ATP23: variants seen among roughly 807,000 people sequenced by gnomAD.
ATP23 encodes the protein ATP23 metallopeptidase and ATP synthase assembly factor homolog, also known as mitochondrial inner membrane protease ATP23 homolog.
Under a neutral mutation model 28.5 loss-of-function variants are expected in ATP23, and 24 were observed. That is an observed-to-expected ratio of 0.84 (90% CI 0.61 to 1.18). ATP23 has a LOEUF of 1.18. Among genes scored for constraint, ATP23 ranks in the 50% most tolerant of loss-of-function variants. The pLI is 0.00. For missense variants in ATP23, 274 were observed against 306.4 expected, an observed-to-expected ratio of 0.89 and a Z score of 0.79; for synonymous variants, 99 against 108.6, an observed-to-expected ratio of 0.91 and a Z score of 0.55.
chr12:57,951,727 A>G lies in ATP23; in HGVS notation c.316-31A>G, dbSNP rs761880633. 3.7e-6 allele frequency: 6 copies of G among 1,608,852 alleles called. No individual in the cohort carries two copies. In the East Asian group the frequency reaches 1.1e-4, roughly 30 times the overall value. On this transcript the variant is annotated intron_variant, in intron 3 of 5. Transcript: ENST00000300145. ...GTCTATGGAAGGAGATTTTAGAATC[A>G]CTGAACTTCTTTTATTTTGGTGTCT...
intron 5 of ATP23, among the ~76,000 whole-genome samples, chr12:57,955,278 A>ATTTTTTTT (rs1442929120): frequency 8.7e-6 from 1 of 114,404 alleles, no homozygotes; most frequent in African/African-American, 4.1e-5. Context: ...GAAATAGAGC[A>ATTTTTTTT]TGTTTTTTTT....
In ATP23 at chr12:57,946,644, G is replaced by T. The variant is rs1281684584; in HGVS notation, c.234-351G>T. On this transcript the variant is annotated intron_variant, in intron 2 of 5. Transcript: ENST00000300145. ...CTAATTTTGTATTTTTAGTAGAGAT[G>T]GGGGGTTCTCCATGTTGGTCAGGCT... is the stretch of plus-strand genomic sequence containing the variant. Among the ~76,000 whole-genome samples, 6 of 116,874 alleles carry T rather than the reference G, an allele frequency of 5.1e-5. No individual in the cohort carries two copies. In the East Asian group the frequency reaches 1.4e-3, roughly 28 times the overall value. The allele number at this position is 116,874 out of a possible 152,430, so 76.7% of individuals were successfully genotyped here.
At chr12:57,942,007 A>G (rs951275126) in intron 1 of ATP23, 119 bp downstream of exon 1, 35 of 1,241,402 alleles carry the variant, frequency 2.8e-5, no homozygotes, top group Non-Finnish European at 3.3e-5. Context: ...GTCTAGACAG[A>G]CTGGGCATCA....
Position 57,941,596 on chromosome 12 carries a change from G to A in ATP23, c.-106G>A. 1 of 1,444,554 alleles carries A rather than the reference G, an allele frequency of 6.9e-7. No homozygotes were observed. 89.5% of individuals were successfully genotyped at this position (1,444,554 alleles called of 1,614,324 possible). On this transcript the variant is annotated 5_prime_UTR_variant, in exon 1 of 6. Transcript: ENST00000300145. Reference sequence around the variant, plus strand: ...CAGCCAGGCTGCCCTTCTTCCCTGCGGAGGGAGGGCCTGGGCGGTCGCGTT... The same window carrying A: ...CAGCCAGGCTGCCCTTCTTCCCTGCAGAGGGAGGGCCTGGGCGGTCGCGTT...
intron 1 of ATP23, among the ~76,000 whole-genome samples, chr12:57,945,151 G>T (rs1956747695): frequency 6.6e-6 from 1 of 152,222 alleles, no homozygotes. Flanking sequence ...CTTGGTATTT[G>T]TATTAGTGTT....
chr12:57,952,845 G>C (rs1956828526), intron 4 of ATP23, among the ~76,000 whole-genome samples: 1 of 152,226 alleles, frequency 6.6e-6, no homozygotes, highest in Admixed American at 6.5e-5. Context: ...GGAACAAGAA[G>C]TGGGCCATTC....
Position 57,941,639 on chromosome 12 carries a change from C to A in ATP23, c.-63C>A, listed in dbSNP as rs951181092. On this transcript the variant is annotated 5_prime_UTR_variant, in exon 1 of 6. Coordinates refer to ENST00000300145, the MANE Select transcript of ATP23 (RefSeq NM_033276.4). Reference sequence around the variant, plus strand: ...GTCGCGTTGGCGGGAGGGAGGTTACCTTTCCCAGTCTCGCTCTGGCCGCCT... The same window carrying A: ...GTCGCGTTGGCGGGAGGGAGGTTACATTTCCCAGTCTCGCTCTGGCCGCCT... 54 of 1,555,056 alleles carry A rather than the reference C, an allele frequency of 3.5e-5. No homozygotes were observed. Among genetic ancestry groups the A allele is most frequent in the Non-Finnish European group, 4.3e-5 (50 of 1,154,466 alleles).
chr12:57,942,659 G>A (rs531769324), intron 1 of ATP23, among the ~76,000 whole-genome samples: 43 of 152,166 alleles, frequency 2.8e-4, no homozygotes, highest in Non-Finnish European at 4.0e-4. Flanking sequence ...TCCTGACCTC[G>A]TGATCTGCCT....
rs1474673714 is a variant in ATP23, at chr12:57,958,308, C to G, written c.*1418C>G. ...GTTCCTTCCCTACCCACCCTGGTAT[C>G]TGAACAAAAAGGGCATACAATCTTG... On this transcript the variant is annotated 3_prime_UTR_variant, in exon 6 of 6. Transcript: ENST00000300145. 6.6e-6 allele frequency among the ~76,000 whole-genome samples: 1 copy of G among 152,158 alleles called. No homozygotes were observed. Among genetic ancestry groups the G allele is most frequent in the Non-Finnish European group, 1.5e-5 (1 of 68,016 alleles).
At chr12:57,945,803 T>A (rs753945409) in intron 2 of ATP23, 130 bp downstream of exon 2, 45 of 790,346 alleles carry the variant, frequency 5.7e-5, no homozygotes, top group Non-Finnish European at 8.8e-5. Flanking sequence ...TAAATAGAGG[T>A]AATTGGCTGC....
In ATP23 at chr12:57,951,849, C is replaced by T; in HGVS notation, c.407C>T (p.Ala136Val). The T allele has an allele frequency of 6.2e-7, 1 of 1,614,108 alleles. No individual in the cohort carries two copies. The highest frequency in any genetic ancestry group is 2.2e-5 in the East Asian group (1 of 44,876). The change falls in exon 4 of 6, where the codon GCC becomes GTC. Residue 136 changes from alanine (A) to valine (V), a missense_variant. Physicochemically the swap from Ala to Val is moderately conservative, Grantham distance 64. Transcript: ENST00000300145. ...ELIHAFDHCRAHVDWFTNIRH... is the reference protein window; with the variant it reads ...ELIHAFDHCRVHVDWFTNIRH... ...ATTCATGCATTTGATCATTGTCGTG[C>T]CCATGTCGACTGGTTCACCAACATC... is the stretch of plus-strand genomic sequence containing the variant.
chr12:57,941,647 G>A lies in ATP23; in HGVS notation c.-55G>A, dbSNP rs982565625. 2.5e-5 allele frequency: 39 copies of A among 1,574,492 alleles called. No individual in the cohort carries two copies. In the African/African-American group the frequency reaches 5.1e-4, roughly 21 times the overall value. On this transcript the variant is annotated 5_prime_UTR_variant, in exon 1 of 6. Transcript: ENST00000300145. ...GGCGGGAGGGAGGTTACCTTTCCCA[G>A]TCTCGCTCTGGCCGCCTGAGCCAGG...
chr12:57,942,561 C>T (rs1956716897), intron 1 of ATP23, among the ~76,000 whole-genome samples: 1 of 152,090 alleles, frequency 6.6e-6, no homozygotes, highest in Non-Finnish European at 1.5e-5. Flanking sequence ...GTAGCTGGGA[C>T]TACAGGCGCT....
chr12:57,957,317 A>C lies in ATP23; in HGVS notation c.*427A>C, dbSNP rs1384996614. The C allele has an allele frequency of 6.4e-6, 1 of 155,458 alleles. No homozygotes were observed. Among genetic ancestry groups the C allele is most frequent in the Non-Finnish European group, 1.4e-5 (1 of 70,296 alleles). The allele number at this position is 155,458 out of a possible 1,614,324, so 9.6% of individuals were successfully genotyped here. The stretch of plus-strand genomic sequence containing the variant: ...AGCTGTTGTTATGATGAAAATTGGA[A>C]ATAATTCATTCAGTGGTCAATGCTA... On this transcript the variant is annotated 3_prime_UTR_variant, in exon 6 of 6. Transcript: ENST00000300145.
At chr12:57,949,382 A>G (rs751389391) in intron 3 of ATP23, among the ~76,000 whole-genome samples, 9 of 152,100 alleles carry the variant, frequency 5.9e-5, no homozygotes, top group Admixed American at 2.0e-4. Flanking sequence ...GGTCTCATCA[A>G]TTTTCTGGGG....
At chr12:57,947,183 C>A in intron 3 of ATP23, 107 bp downstream of exon 3, 1 of 1,035,718 alleles carries the variant, frequency 9.7e-7, no homozygotes, top group Non-Finnish European at 1.4e-6. Flanking sequence ...TTATGTAGGA[C>A]TAAAAAAGTG....
At chr12:57,954,304 A>G (rs1378895795) in intron 5 of ATP23, among the ~76,000 whole-genome samples, 1 of 152,110 alleles carries the variant, frequency 6.6e-6, no homozygotes, top group Non-Finnish European at 1.5e-5. Context: ...TGTTATTCTA[A>G]CAATTCTTGA....
Position 57,958,213 on chromosome 12 carries a change from C to T in ATP23, c.*1323C>T, listed in dbSNP as rs1956886339. On this transcript the variant is annotated 3_prime_UTR_variant, in exon 6 of 6. Coordinates refer to ENST00000300145, the MANE Select transcript of ATP23 (RefSeq NM_033276.4). ...CTGGGAATCTCACCCTCATCTCCCA[C>T]AACAGTCACAGCAAGACCTGCCCAA... Among the ~76,000 whole-genome samples the T allele has an allele frequency of 1.3e-5, 2 of 152,152 alleles. No individual in the cohort carries two copies. The highest frequency in any genetic ancestry group is 4.8e-5 in the African/African-American group (2 of 41,438).
In ATP23 at chr12:57,956,792, G is replaced by T; in HGVS notation, c.643G>T (p.Asp215Tyr). ...VDEVFESCFN[D>Y]HEPFGRIPHN... ...TGAAGTTTTTGAATCTTGTTTCAATGACCATGAACCTTTTGGAAGGATCCC... is the reference window on the plus strand; with the variant it reads ...TGAAGTTTTTGAATCTTGTTTCAATTACCATGAACCTTTTGGAAGGATCCC... The change falls in exon 6 of 6, where the codon GAC becomes TAC. Residue 215 changes from aspartate (D) to tyrosine (Y), a missense_variant. Coordinates refer to ENST00000300145, the MANE Select transcript of ATP23 (RefSeq NM_033276.4). The T allele has an allele frequency of 6.2e-7, 1 of 1,613,960 alleles. No individual in the cohort carries two copies. Among genetic ancestry groups the T allele is most frequent in the South Asian group, 1.1e-5 (1 of 91,074 alleles).
Sources: allele counts gnomAD v4.1 joint callset (sites outside exome capture counted in the v4.1 genomes callset), GRCh38; gene constraint gnomAD v4.1.1; transcripts MANE v1.5; gene names NCBI Gene and HGNC (gene_info 2026-07-23, HGNC 2026-07-21).